The following HNF4A variants were observed in gnomAD, a reference collection of about 807,000 sequenced individuals.
HNF4A encodes the protein hepatocyte nuclear factor 4-alpha.
In HNF4A, 15 loss-of-function variants were observed where a neutral mutation model predicts 52.4. That is an observed-to-expected ratio of 0.29 (90% CI 0.19 to 0.44). The LOEUF is 0.44. Among genes scored for constraint, HNF4A ranks in the 20% least tolerant of loss-of-function variants. HNF4A has a pLI of 1.00. For missense variants in HNF4A, 479 were observed against 647.2 expected, an observed-to-expected ratio of 0.74 and a Z score of 2.82; for synonymous variants, 280 against 264.4, an observed-to-expected ratio of 1.06 and a Z score of -0.57.
intron 3 of HNF4A, among the ~76,000 whole-genome samples, chr20:44,412,411 G>A (rs1179479245): frequency 6.6e-6 from 1 of 152,212 alleles, no homozygotes; most frequent in Non-Finnish European, 1.5e-5. Flanking sequence ...GCTGCGCTGT[G>A]CAGGAAAGGG....
intron 1 of HNF4A, among the ~76,000 whole-genome samples, chr20:44,378,482 G>C (rs2063111371): frequency 6.6e-6 from 1 of 151,900 alleles, no homozygotes; most frequent in Non-Finnish European, 1.5e-5. Flanking sequence ...TGCCCAGGCT[G>C]GTCTTGAACA....
intron 1 of HNF4A, among the ~76,000 whole-genome samples, chr20:44,405,192 A>C (rs1032894893): frequency 6.6e-6 from 1 of 152,092 alleles, no homozygotes; most frequent in African/African-American, 2.4e-5. Flanking sequence ...TCTTCTTCAA[A>C]GGGGTCTATC....
rs1487452037 is a variant in HNF4A at position 44,431,544 on chromosome 20, T to C, written c.*1879T>C. 2.0e-5 allele frequency: 3 copies of C among 151,668 alleles called. No homozygotes were observed. Among genetic ancestry groups the C allele is most frequent in the African/African-American group, 7.3e-5 (3 of 41,106 alleles). The allele number at this position is 151,668 out of a possible 1,614,324, so 9.4% of individuals were successfully genotyped here. On this transcript the variant is annotated 3_prime_UTR_variant, in exon 10 of 10. Transcript: ENST00000316099. ...CAGGGGAGGGCTAAGCAGGCCTGGG[T>C]TTGAGGGCTGCTCCGGAGACCGTCA... is the stretch of plus-strand genomic sequence containing the variant.
chr20:44,419,136 A>G (rs2063708443), intron 6 of HNF4A, among the ~76,000 whole-genome samples: 1 of 152,172 alleles, frequency 6.6e-6, no homozygotes, highest in Admixed American at 6.5e-5. Context: ...GAATGGCACA[A>G]AGCCCCAGCC....
chr20:44,411,248 A>G (rs1364855008), intron 3 of HNF4A, among the ~76,000 whole-genome samples: 1 of 152,138 alleles, frequency 6.6e-6, no homozygotes, highest in Non-Finnish European at 1.5e-5. Flanking sequence ...CCCCCTACCC[A>G]GGAGTTCCCT....
At chr20:44,421,569 C>A (rs1425516709) in intron 7 of HNF4A, among the ~76,000 whole-genome samples, 1 of 151,874 alleles carries the variant, frequency 6.6e-6, no homozygotes, top group African/African-American at 2.4e-5. Context: ...GCCTGGCCAA[C>A]ATGGTGAAAC....
At chr20:44,360,154 G>T (rs1023180968) in intron 1 of HNF4A, among the ~76,000 whole-genome samples, 10 of 152,164 alleles carry the variant, frequency 6.6e-5, no homozygotes, top group African/African-American at 2.4e-4. Context: ...GACCTTGATT[G>T]AAGATTAATT....
intron 1 of HNF4A, among the ~76,000 whole-genome samples, chr20:44,370,147 C>T (rs567297350): frequency 3.9e-5 from 6 of 152,296 alleles, no homozygotes; most frequent in Admixed American, 2.0e-4. Flanking sequence ...CCGCCTCAGC[C>T]CCCCCAAGTA....
At chr20:44,427,305 T>C (rs1452513177) in intron 8 of HNF4A, among the ~76,000 whole-genome samples, 1 of 152,224 alleles carries the variant, frequency 6.6e-6, no homozygotes, top group African/African-American at 2.4e-5. Context: ...GAGCCTGTGG[T>C]CTGTTGCCAA....
At chr20:44,419,941 T>A in intron 7 of HNF4A, 65 bp downstream of exon 7, 10 of 1,518,786 alleles carry the variant, frequency 6.6e-6, no homozygotes, top group Non-Finnish European at 9.1e-6. Context: ...AGACTTCTCC[T>A]ATTGGGTTCT....
At chr20:44,365,552 T>C (rs550066525) in intron 1 of HNF4A, among the ~76,000 whole-genome samples, 4 of 152,272 alleles carry the variant, frequency 2.6e-5, no homozygotes, top group South Asian at 2.1e-4. Context: ...TGTGACAGAA[T>C]GCAACCAGTT....
chr20:44,428,597 G>T, intron 9 of HNF4A, 110 bp downstream of exon 9: 1 of 1,088,308 alleles, frequency 9.2e-7, no homozygotes. Flanking sequence ...CAGTTTTCTG[G>T]GTTCCAGGGT....
upstream of HNF4A, chr20:44,401,163 C>T (rs2063402165): frequency 7.0e-7 from 1 of 1,431,084 alleles, no homozygotes; most frequent in East Asian, 2.5e-5. Flanking sequence ...CGGCGGGGGA[C>T]CGATTAACCA....
chr20:44,376,188 C>T (rs2063083431), intron 1 of HNF4A, among the ~76,000 whole-genome samples: 1 of 152,084 alleles, frequency 6.6e-6, no homozygotes, highest in African/African-American at 2.4e-5. Flanking sequence ...TTGCTTCAAC[C>T]CGGGAGGCAG....
chr20:44,382,245 CTTTT>C lies in HNF4A; in HGVS notation c.50-23804_50-23801del, dbSNP rs5841553. 4.1e-4 allele frequency among the ~76,000 whole-genome samples: 60 copies of C among 145,856 alleles called. 1 individual carries two copies. The East Asian group carries it at 0.011, about 27-fold the overall frequency. Reference sequence around the variant, plus strand: ...CATAGCTTTCTTTCTTTCTTTCTTTCTTTTTTTTTTTTGAGACGAACTCTCGCTC... The same window carrying C: ...CATAGCTTTCTTTCTTTCTTTCTTTCTTTTTTTTGAGACGAACTCTCGCTC... On this transcript the variant is annotated intron_variant, in intron 1 of 9. Coordinates refer to the HNF4A transcript ENST00000316673.
At chr20:44,406,351 G>C (rs745608960) in intron 2 of HNF4A, 119 bp downstream of exon 2, 2 of 835,556 alleles carry the variant, frequency 2.4e-6, no homozygotes, top group Admixed American at 2.1e-5. Flanking sequence ...GGCCTTCAAG[G>C]CTCTTCTGGT....
Position 44,358,130 on chromosome 20 carries a change from T to TA in HNF4A, c.49+2289dup, listed in dbSNP as rs970741006. 6.7e-3 allele frequency among the ~76,000 whole-genome samples: 865 copies of TA among 129,438 alleles called. 1 individual carries two copies. The highest frequency in any genetic ancestry group is 0.016 in the African/African-American group (538 of 34,478). The allele number at this position is 129,438 out of a possible 152,430, so 84.9% of individuals were successfully genotyped here. On this transcript the variant is annotated intron_variant, in intron 1 of 9. Transcript: ENST00000316673. Reference sequence around the variant, plus strand: ...GTTAGCATCCTAGATCTACCTTATTTAAAAAAAAAAAACAAAACAAAAAAC... The same window carrying TA: ...GTTAGCATCCTAGATCTACCTTATTTAAAAAAAAAAAAACAAAACAAAAAAC...
chr20:44,405,714 G>GT (rs1256312439), intron 1 of HNF4A, among the ~76,000 whole-genome samples: 1 of 152,184 alleles, frequency 6.6e-6, no homozygotes, highest in Non-Finnish European at 1.5e-5. Context: ...GCAGGGGAAT[G>GT]TTTCTCCCTT....
At position 44,401,485 on chromosome 20, in the gene HNF4A, A is replaced by C. The variant is rs768670371; in HGVS notation, c.113A>C (p.Asn38Thr). ...AATGTGCAGGTGTTGACGATGGGCA[A>C]TGGTAGGTGGGGGCAGATGTGCCCA... Residue 38 changes from asparagine to threonine, a missense_variant and splice_region_variant, in exon 1 of 10, where the codon AAT becomes ACT. This residue lies in a region of HNF4A where 90 missense variants were observed against 105.5 expected (regional missense o/e 0.85). Coordinates refer to ENST00000316099, the MANE Select transcript of HNF4A (RefSeq NM_000457.6). 6.1e-5 allele frequency: 98 copies of C among 1,614,046 alleles called. 1 individual carries two copies. The East Asian group carries it at 2.2e-3, about 36-fold the overall frequency.
Sources: gnomAD v4.1 joint callset for allele counts (sites outside exome capture counted in the v4.1 genomes callset) on GRCh38, gnomAD v4.1.1 for gene constraint, gnomAD v4.1.1 regional missense constraint, MANE v1.5 for transcripts, NCBI Gene and HGNC (gene_info 2026-07-23, HGNC 2026-07-21) for gene names.